The following PC variants were observed in gnomAD, a reference collection of about 807,000 sequenced individuals.
The protein encoded by PC is pyruvate carboxylase.
In PC, 46 loss-of-function variants were observed where a neutral mutation model predicts 107.8. The observed-to-expected ratio is 0.43, with a 90% CI of 0.34 to 0.55. PC has a LOEUF of 0.55. Ranked by LOEUF, PC falls within the 20% of genes least tolerant of loss-of-function variation. PC has a pLI of 0.04. For missense variants in PC, 1,241 were observed against 1,643.1 expected (o/e 0.76, Z 4.23); for synonymous variants, 662 against 684.7 (o/e 0.97, Z 0.52).
chr11:66,853,374 C>T lies in PC; in HGVS notation c.1378G>A (p.Ala460Thr), dbSNP rs1945622513. ...FRVRGVKTNI[A>T]FLQNVLNNQQ... is the part of the protein sequence containing the mutation. ...TTGTTGAGCACATTCTGCAGGAAGG[C>T]GATGTTGGTCTGCAGGACAGAGGCG... The change falls in exon 13 of 23, where the codon GCC becomes ACC. Residue 460 changes from alanine to threonine, a missense_variant. Ala to Thr is a moderately conservative substitution (Grantham distance 58, BLOSUM62 0). Coordinates refer to ENST00000393960, the MANE Select transcript of PC (RefSeq NM_001040716.2). 7 of 1,613,670 alleles carry T rather than the reference C, an allele frequency of 4.3e-6. No individual in the cohort carries two copies. The highest frequency in any genetic ancestry group is 5.9e-6 in the Non-Finnish European group (7 of 1,179,876).
At chr11:66,899,056 G>C (rs1009753792) in intron 3 of PC, among the ~76,000 whole-genome samples, 2 of 152,114 alleles carry the variant, frequency 1.3e-5, no homozygotes, top group South Asian at 4.2e-4. Flanking sequence ...TTTTAGTAGA[G>C]ACGGGGTTTC....
rs758172951 is a variant in PC, at chr11:66,851,774, C to G, written c.1982+16G>C. ...GCCACACCAGGTAGCGTCTGCCCAC[C>G]CCACCCCAGGCTCACTTGAAGACCA... On this transcript the variant is annotated intron_variant, in intron 16 of 22. Coordinates refer to ENST00000393960, the MANE Select transcript of PC (RefSeq NM_001040716.2). 3.2e-5 allele frequency: 52 copies of G among 1,613,828 alleles called. No homozygotes were observed. Among genetic ancestry groups the G allele is most frequent in the Non-Finnish European group, 4.2e-5 (50 of 1,179,804 alleles).
chr11:66,851,973 C>G (rs1257416473), intron 15 of PC, 27 bp from the exon 16 acceptor site: 1 of 1,612,256 alleles, frequency 6.2e-7, no homozygotes, highest in African/African-American at 1.3e-5. Flanking sequence ...AGGCCCAGAT[C>G]AGCTCTGCAT....
In PC at chr11:66,870,061, C is replaced by T. The variant is rs1399764185; in HGVS notation, c.903+241G>A. On this transcript the variant is annotated intron_variant, in intron 9 of 22. Transcript: ENST00000393960. This position sits in a 1 kb window ranked among gnomAD's most constrained non-coding sequence, Gnocchi z 6.1. ...TGAGGAGGCGGCTGGGGCTCCTTCC[C>T]TCCCTCTTCTCAGCCATCCTGGACT... 6.6e-6 allele frequency among the ~76,000 whole-genome samples: 1 copy of T among 152,176 alleles called. No individual in the cohort carries two copies. The highest frequency in any genetic ancestry group is 1.5e-5 in the Non-Finnish European group (1 of 68,024).
intron 12 of PC, chr11:66,860,736 G>A (rs576344944): frequency 7.1e-6 from 5 of 699,768 alleles, no homozygotes; most frequent in African/African-American, 7.0e-5. Context: ...GCCCCTTCCT[G>A]CCAGGTGGCG....
At chr11:66,904,977 A>G (rs912188557) in intron 3 of PC, among the ~76,000 whole-genome samples, 1 of 152,250 alleles carries the variant, frequency 6.6e-6, no homozygotes, top group Admixed American at 6.5e-5. Flanking sequence ...GGAAACTTCA[A>G]ATTGGCTCTT....
At chr11:66,853,121 G>T (rs1945605079) in intron 13 of PC, 118 bp downstream of exon 13, 7 of 1,157,694 alleles carry the variant, frequency 6.0e-6, no homozygotes, top group South Asian at 2.9e-5. Flanking sequence ...GAGGGCAGGG[G>T]TGAGGGGCAG....
rs369406050 is a variant in PC at position 66,889,305 on chromosome 11, C to A, written c.1-17146G>T. ...CTCTGGGAGGCACTCATGGGGAGGG[C>A]AGTGGGACAGGGGTGGCGGGGGCAA... On this transcript the variant is annotated intron_variant, in intron 3 of 22. Transcript: ENST00000393960. 8.3e-4 allele frequency among the ~76,000 whole-genome samples: 126 copies of A among 151,892 alleles called. No individual in the cohort carries two copies. The East Asian group carries it at 0.016, about 19-fold the overall frequency.
intron 3 of PC, among the ~76,000 whole-genome samples, chr11:66,941,714 G>C (rs184329532): frequency 2.0e-5 from 3 of 152,158 alleles, no homozygotes; most frequent in African/African-American, 7.2e-5. Flanking sequence ...GGATGGTATC[G>C]ATCTCCTGAC....
At chr11:66,896,851 T>G (rs1947777347) in intron 3 of PC, among the ~76,000 whole-genome samples, 2 of 152,210 alleles carry the variant, frequency 1.3e-5, no homozygotes, top group African/African-American at 4.8e-5. Context: ...ATTTCTAGAA[T>G]GACACTTCAG....
At chr11:66,953,939 T>C (rs1349004940) in intron 2 of PC, among the ~76,000 whole-genome samples, 1 of 152,172 alleles carries the variant, frequency 6.6e-6, no homozygotes, top group Non-Finnish European at 1.5e-5. Flanking sequence ...ATAATCACAT[T>C]ATGTGTATGT....
chr11:66,859,608 G>A lies in PC; in HGVS notation c.1368+4166C>T, dbSNP rs200469470. ...GAGGATGGGGCTAGACCCCAGCCCC[G>A]GGCTCTGACCACCTGCCCTTGCCTG... On this transcript the variant is annotated intron_variant, in intron 12 of 22. Transcript: ENST00000393960. 44 of 1,611,926 alleles carry A rather than the reference G, an allele frequency of 2.7e-5. 1 individual carries two copies. Among genetic ancestry groups the A allele is most frequent in the East Asian group, 6.7e-5 (3 of 44,846 alleles).
At chr11:66,862,301 C>T (rs944131187) in intron 12 of PC, among the ~76,000 whole-genome samples, 1 of 152,186 alleles carries the variant, frequency 6.6e-6, no homozygotes, top group Non-Finnish European at 1.5e-5. Flanking sequence ...GCGCTGTTCC[C>T]TCTTAAGGTG....
intron 3 of PC, among the ~76,000 whole-genome samples, chr11:66,878,154 G>A (rs902195488): frequency 6.6e-6 from 1 of 152,214 alleles, no homozygotes; most frequent in East Asian, 1.9e-4. Flanking sequence ...CTCCTCACCT[G>A]CTGGCCTGCC....
intron 3 of PC, among the ~76,000 whole-genome samples, chr11:66,942,399 CAA>C (rs577741732): frequency 3.1e-4 from 27 of 86,904 alleles, no homozygotes; most frequent in Admixed American, 3.8e-4. Context: ...GACTCCATCT[CAA>C]AAAAAAAAAA....
chr11:66,922,745 C>T (rs922727683), intron 3 of PC, among the ~76,000 whole-genome samples: 9 of 152,106 alleles, frequency 5.9e-5, no homozygotes, highest in Non-Finnish European at 5.9e-5. Flanking sequence ...CCCAGAGCCA[C>T]AGACAGCTGG....
chr11:66,849,792 G>A lies in PC; in HGVS notation c.2966C>T (p.Ala989Val). ...GASLPPLDLQ[A>V]LEKELVDRHG... Reference sequence around the variant, plus strand: ...CCGGTCTACCAGCTCCTTCTCCAGTGCCTGCAGATCCAGGGGAGGGAGGGA... The same window carrying A: ...CCGGTCTACCAGCTCCTTCTCCAGTACCTGCAGATCCAGGGGAGGGAGGGA... The change falls in exon 21 of 23, where the codon GCA (alanine) becomes GTA (valine). Residue 989 changes from alanine to valine, a missense_variant. Ala to Val is a moderately conservative substitution (Grantham distance 64). This residue lies in a region of PC where 1,143 missense variants were observed against 1,551.9 expected (regional missense o/e 0.74). Transcript: ENST00000393960. 1 of 1,614,118 alleles carries A rather than the reference G, an allele frequency of 6.2e-7. No homozygotes were observed. Among genetic ancestry groups the A allele is most frequent in the South Asian group, 1.1e-5 (1 of 91,086 alleles).
rs1483193443 is a variant in PC at position 66,857,646 on chromosome 11, C to A, written c.1369-4263G>T. 1.0e-5 allele frequency: 14 copies of A among 1,351,434 alleles called. No individual in the cohort carries two copies. Among genetic ancestry groups the A allele is most frequent in the Non-Finnish European group, 1.4e-5 (14 of 1,015,522 alleles). The allele number at this position is 1,351,434 out of a possible 1,614,324, so 83.7% of individuals were successfully genotyped here. On this transcript the variant is annotated intron_variant, in intron 12 of 22. Coordinates refer to ENST00000393960, the MANE Select transcript of PC (RefSeq NM_001040716.2). The surrounding 1 kb of genome is among the most constrained non-coding windows in gnomAD (Gnocchi z 7.1). Reference sequence around the variant, plus strand: ...ACCCAGCCCCTCCCCGGGCCAGGCTCACAGAAGCTGGCTTCTGGGACTGTC... The same window carrying A: ...ACCCAGCCCCTCCCCGGGCCAGGCTAACAGAAGCTGGCTTCTGGGACTGTC...
intron 3 of PC, among the ~76,000 whole-genome samples, chr11:66,875,887 C>T (rs368683384): frequency 1.9e-4 from 29 of 152,250 alleles, no homozygotes; most frequent in African/African-American, 6.7e-4. Flanking sequence ...ATCACTAGCA[C>T]CGAAGGGATA....
Sources: gnomAD v4.1 joint callset for allele counts (sites outside exome capture counted in the v4.1 genomes callset) on GRCh38, gnomAD v4.1.1 for gene constraint, gnomAD v4.1.1 regional missense constraint, Gnocchi (gnomAD v3.1) non-coding constraint, MANE v1.5 for transcripts, NCBI Gene and HGNC (gene_info 2026-07-23, HGNC 2026-07-21) for gene names.